CDK19: variants seen among roughly 807,000 people sequenced by gnomAD.
CDK19 encodes the protein cyclin-dependent kinase 19.
CDK19 carries 20 observed loss-of-function variants against 68.3 expected under a neutral mutation model. That is an observed-to-expected ratio of 0.29 (90% CI 0.21 to 0.43). The LOEUF (loss-of-function observed/expected upper bound fraction) is 0.43, where lower values mean the gene tolerates loss of function less well. Ranked by LOEUF, CDK19 falls within the 20% of genes least tolerant of loss-of-function variation. The probability of loss-of-function intolerance (pLI) is 1.00; values close to 1 mark genes in which losing one functional copy is unlikely to be tolerated. For synonymous variants in CDK19, 221 were observed against 222.8 expected, an observed-to-expected ratio of 0.99 and a Z score of 0.07; for missense variants, 339 against 623.5, an observed-to-expected ratio of 0.54 and a Z score of 4.86.
intron 2 of CDK19, among the ~76,000 whole-genome samples, chr6:110,680,952 G>A (rs963652577): frequency 2.6e-5 from 4 of 152,024 alleles, no homozygotes; most frequent in African/African-American, 2.4e-5. Context: ...AGCAGAGATC[G>A]TCCCACTGCA....
chr6:110,673,921 A>T (rs1242872464), intron 2 of CDK19, among the ~76,000 whole-genome samples: 1 of 152,046 alleles, frequency 6.6e-6, no homozygotes, highest in African/African-American at 2.4e-5. Flanking sequence ...TATGTCATAC[A>T]GATAGTTACT....
intron 2 of CDK19, among the ~76,000 whole-genome samples, chr6:110,692,587 T>C (rs1001534372): frequency 1.3e-5 from 2 of 152,184 alleles, no homozygotes; most frequent in African/African-American, 4.8e-5. Flanking sequence ...GAGGAAAACT[T>C]CCTGGCCTTT....
intron 2 of CDK19, among the ~76,000 whole-genome samples, chr6:110,732,269 G>A (rs1374193851): frequency 6.6e-6 from 1 of 152,068 alleles, no homozygotes; most frequent in African/African-American, 2.4e-5. Flanking sequence ...ATGGAGGCAG[G>A]TGGATCACTT....
At chr6:110,706,560 G>C (rs904742587) in intron 2 of CDK19, among the ~76,000 whole-genome samples, 16 of 151,432 alleles carry the variant, frequency 1.1e-4, no homozygotes, top group African/African-American at 3.9e-4. Flanking sequence ...GATTACAGGC[G>C]CCTGCCACCA....
intron 2 of CDK19, among the ~76,000 whole-genome samples, chr6:110,675,528 G>A (rs1034042033): frequency 6.6e-6 from 1 of 150,864 alleles, no homozygotes; most frequent in Non-Finnish European, 1.5e-5. Context: ...TCAGGAGGCT[G>A]AGGCAGGAGA....
chr6:110,787,524 G>A (rs769757856), intron 1 of CDK19, among the ~76,000 whole-genome samples: 9 of 151,954 alleles, frequency 5.9e-5, no homozygotes, highest in Admixed American at 2.6e-4. Flanking sequence ...ACAGCTCACT[G>A]TAGCCTCTAC....
Position 110,621,558 on chromosome 6 carries a change from A to G in CDK19, c.1111-188T>C, listed in dbSNP as rs1778719293. On this transcript the variant is annotated intron_variant, in intron 11 of 12. Transcript: ENST00000368911. This position sits in a 1 kb window ranked among gnomAD's most constrained non-coding sequence, Gnocchi z 5.4. Reference sequence around the variant, plus strand: ...AGTGTTCCCAAAGGGCAAGGCGCTGAGCCCCAAACAGGACTCTTTCCCTGA... The same window carrying G: ...AGTGTTCCCAAAGGGCAAGGCGCTGGGCCCCAAACAGGACTCTTTCCCTGA... Among the ~76,000 whole-genome samples the G allele has an allele frequency of 6.6e-6, 1 of 152,166 alleles. No homozygotes were observed. The highest frequency in any genetic ancestry group is 1.5e-5 in the Non-Finnish European group (1 of 68,026).
chr6:110,647,102 TC>T (rs909100905), intron 4 of CDK19, among the ~76,000 whole-genome samples: 2 of 151,790 alleles, frequency 1.3e-5, no homozygotes, highest in African/African-American at 4.8e-5. Context: ...ACCCCTGCAC[TC>T]CCCTCTATCA....
intron 1 of CDK19, chr6:110,814,638 G>T (rs76318233): frequency 1.7e-5 from 8 of 483,306 alleles, no homozygotes; most frequent in South Asian, 1.2e-4. Flanking sequence ...GGGCCGGAGC[G>T]GCAACTCCGC....
chr6:110,749,235 T>C (rs1431535690), intron 1 of CDK19, among the ~76,000 whole-genome samples: 3 of 152,232 alleles, frequency 2.0e-5, no homozygotes, highest in African/African-American at 7.2e-5. Context: ...TATATGTCTA[T>C]AACATGTAGC....
chr6:110,708,879 T>C (rs568365007), intron 2 of CDK19, among the ~76,000 whole-genome samples: 4 of 152,344 alleles, frequency 2.6e-5, no homozygotes, highest in African/African-American at 9.6e-5. Context: ...TGGCTCTCTT[T>C]ACTTTTCCAT....
intron 1 of CDK19, among the ~76,000 whole-genome samples, chr6:110,770,887 C>T (rs1411211224): frequency 6.6e-6 from 1 of 152,196 alleles, no homozygotes; most frequent in African/African-American, 2.4e-5. Flanking sequence ...CGAAACCCAG[C>T]AGAGCAGTCA....
chr6:110,741,344 C>A (rs1003872902), intron 2 of CDK19, among the ~76,000 whole-genome samples: 1 of 151,582 alleles, frequency 6.6e-6, no homozygotes, highest in South Asian at 2.1e-4. Flanking sequence ...TACCTGCAGT[C>A]CCAGCTACTT....
In CDK19 at chr6:110,772,271, G is replaced by A. The variant is rs1012498473; in HGVS notation, c.129-26070C>T. On this transcript the variant is annotated intron_variant, in intron 1 of 12. Transcript: ENST00000368911. ...AGGCAAAAGGCACTTCTTACATGGC[G>A]GCAGCAAGAGAAAATGAGAAGGATC... 6.6e-5 allele frequency among the ~76,000 whole-genome samples: 10 copies of A among 152,132 alleles called. No individual in the cohort carries two copies. The East Asian group carries it at 7.7e-4, about 12-fold the overall frequency.
chr6:110,785,264 C>A (rs1781122211), intron 1 of CDK19, among the ~76,000 whole-genome samples: 1 of 152,062 alleles, frequency 6.6e-6, no homozygotes. Context: ...CACAGGCAAA[C>A]AGTTGATCCT....
intron 12 of CDK19, among the ~76,000 whole-genome samples, chr6:110,618,306 T>C (rs1163018145): frequency 1.3e-5 from 2 of 152,182 alleles, no homozygotes; most frequent in Non-Finnish European, 2.9e-5. Context: ...CTAATTTTTA[T>C]ATTTTTAGTA....
chr6:110,803,323 C>A (rs1469721600), intron 1 of CDK19, among the ~76,000 whole-genome samples: 1 of 152,240 alleles, frequency 6.6e-6, no homozygotes, highest in Non-Finnish European at 1.5e-5. Context: ...TCGTGATCCA[C>A]CCGCCTTGGC....
intron 1 of CDK19, among the ~76,000 whole-genome samples, chr6:110,782,649 A>G (rs1780903081): frequency 6.6e-6 from 1 of 152,168 alleles, no homozygotes; most frequent in Non-Finnish European, 1.5e-5. Context: ...TTTGCATGTT[A>G]TGACAAACAT....
At chr6:110,617,891 C>T (rs1049256884) in intron 12 of CDK19, among the ~76,000 whole-genome samples, 7 of 127,666 alleles carry the variant, frequency 5.5e-5, no homozygotes, top group Non-Finnish European at 9.8e-5. Context: ...AAAAAGACTA[C>T]ATGAAACACA....
Sources: allele counts gnomAD v4.1 joint callset (sites outside exome capture counted in the v4.1 genomes callset), GRCh38; gene constraint gnomAD v4.1.1; non-coding constraint Gnocchi (gnomAD v3.1); transcripts MANE v1.5; gene names NCBI Gene and HGNC (gene_info 2026-07-23, HGNC 2026-07-21).